The following MACF1 variants were observed in gnomAD, a reference collection of about 807,000 sequenced individuals.
MACF1 encodes the protein microtubule-actin cross-linking factor 1.
MACF1 carries 193 observed loss-of-function variants against 854.8 expected under a neutral mutation model. The observed-to-expected ratio is 0.23, with a 90% CI of 0.20 to 0.25. The LOEUF is 0.25. Ranked by LOEUF, MACF1 falls within the 10% of genes least tolerant of loss-of-function variation. MACF1 has a pLI of 1.00. For missense variants in MACF1, 7,722 were observed against 8,929.1 expected, an observed-to-expected ratio of 0.86 and a Z score of 5.45; for synonymous variants, 3,185 against 3,226.7, an observed-to-expected ratio of 0.99 and a Z score of 0.44.
In MACF1 at chr1:39,155,262, T is replaced by G. The variant is rs1643660183; in HGVS notation, c.220+70824T>G. Among the ~76,000 whole-genome samples the G allele has an allele frequency of 2.0e-5, 3 of 152,344 alleles. No homozygotes were observed. In the South Asian group the frequency reaches 6.2e-4, roughly 32 times the overall value. On this transcript the variant is annotated intron_variant, in intron 2 of 93. Transcript: ENST00000361689. ...TTTAATTTTTATCTGATAAATGTTA[T>G]GAAACAATTTTAATGGTGAAACACA...
intron 58 of MACF1, among the ~76,000 whole-genome samples, chr1:39,417,713 ATTTTTTTTTTTTTTTTTTTTT>A (rs56799242): frequency 1.4e-4 from 8 of 55,832 alleles, no homozygotes; most frequent in South Asian, 1.6e-3. Flanking sequence ...CACCCAGTTA[ATTTTTTTTTTTTTTTTTTTTT>A]TTTTTTTTTT....
intron 46 of MACF1, 65 bp from the exon 47 acceptor site, chr1:39,359,076 C>T (rs574971585): frequency 5.2e-5 from 83 of 1,591,114 alleles, no homozygotes; most frequent in South Asian, 2.7e-4. Context: ...TCAGTAGCTC[C>T]GGATTCCTAG....
intron 6 of MACF1, among the ~76,000 whole-genome samples, chr1:39,264,778 A>G (rs376609846): frequency 2.1e-5 from 3 of 144,578 alleles, no homozygotes; most frequent in South Asian, 4.3e-4. Flanking sequence ...GGTTCACGCC[A>G]TTCTCCTGCC....
In MACF1 at chr1:39,428,048, G is replaced by C; in HGVS notation, c.16564G>C (p.Ala5522Pro). 1 of 1,614,216 alleles carries C rather than the reference G, an allele frequency of 6.2e-7. No homozygotes were observed. The highest frequency in any genetic ancestry group is 8.5e-7 in the Non-Finnish European group (1 of 1,180,036). The change falls in exon 63 of 101, where the codon GCA becomes CCA. Residue 5522 changes from alanine to proline, a missense_variant. Ala to Pro is a conservative substitution (Grantham distance 27). Coordinates refer to ENST00000564288, the MANE Select transcript of MACF1 (RefSeq NM_001394062.1). ...GQSLSSLTSP[A>P]EQGVLSEKID... Reference sequence around the variant, plus strand: ...GTCCCTCTCCTCCCTGACATCTCCTGCAGAACAGGGTGTGCTGTCAGAAAA... The same window carrying C: ...GTCCCTCTCCTCCCTGACATCTCCTCCAGAACAGGGTGTGCTGTCAGAAAA...
chr1:39,252,974 C>A (rs191819590), intron 4 of MACF1, among the ~76,000 whole-genome samples: 2 of 152,172 alleles, frequency 1.3e-5, no homozygotes, highest in Non-Finnish European at 2.9e-5. Context: ...TCTGCAGACA[C>A]CCGCAACAGA....
At chr1:39,269,443 T>G in intron 6 of MACF1, 1 of 1,289,872 alleles carries the variant, frequency 7.8e-7, no homozygotes, top group Non-Finnish European at 1.0e-6. Flanking sequence ...TCATTACTAC[T>G]GGACCAGCCT....
intron 4 of MACF1, 164 bp from the exon 5 acceptor site, chr1:39,254,134 G>A (rs1038911693): frequency 5.9e-5 from 36 of 609,402 alleles, no homozygotes; most frequent in East Asian, 5.6e-4. Flanking sequence ...GTCGAAACAC[G>A]TACAGGCCTG....
rs1025942455 is a variant in MACF1, at chr1:39,318,398, A to G, written c.3783-55A>G. 36 of 1,496,216 alleles carry G rather than the reference A, an allele frequency of 2.4e-5. No homozygotes were observed. In the African/African-American group the frequency reaches 4.0e-4, roughly 17 times the overall value. The allele number at this position is 1,496,216 out of a possible 1,614,324, so 92.7% of individuals were successfully genotyped here. A position where few individuals can be genotyped will look rare whatever the true frequency, so the allele number is the denominator to read the frequency against. On this transcript the variant is annotated intron_variant, in intron 29 of 100. Transcript: ENST00000564288. The stretch of plus-strand genomic sequence containing the variant: ...GGTTAAAGAGGGAATTACCTCATTT[A>G]CTTTATTGTATTTGTACCAAGGTAT...
At chr1:39,228,143 T>C (rs1042709561) in intron 1 of MACF1, among the ~76,000 whole-genome samples, 1 of 152,102 alleles carries the variant, frequency 6.6e-6, no homozygotes, top group Non-Finnish European at 1.5e-5. Flanking sequence ...AAACCCTGTC[T>C]CTACTAAAAA....
At chr1:39,380,490 C>T (rs371426106) in intron 55 of MACF1, 117 bp downstream of exon 55, 6 of 1,050,810 alleles carry the variant, frequency 5.7e-6, no homozygotes, top group Non-Finnish European at 6.7e-6. Flanking sequence ...TATAAATAAG[C>T]AATTAGGATC....
At chr1:39,115,093 T>A (rs1642512425) in intron 2 of MACF1, among the ~76,000 whole-genome samples, 1 of 152,170 alleles carries the variant, frequency 6.6e-6, no homozygotes. Context: ...TGTCATATTG[T>A]ATAGAGCTTG....
intron 95 of MACF1, among the ~76,000 whole-genome samples, chr1:39,465,552 A>C (rs914169484): frequency 6.6e-6 from 1 of 152,250 alleles, no homozygotes; most frequent in Non-Finnish European, 1.5e-5. Context: ...ATTGTATGTT[A>C]TAATTACAAG....
At chr1:39,477,515 A>G (rs1570229802) in intron 97 of MACF1, among the ~76,000 whole-genome samples, 1 of 151,846 alleles carries the variant, frequency 6.6e-6, no homozygotes. Flanking sequence ...GAGACACCAC[A>G]CCCAGCCATT....
intron 38 of MACF1, among the ~76,000 whole-genome samples, chr1:39,340,067 T>A (rs1159547569): frequency 1.3e-5 from 2 of 152,114 alleles, no homozygotes; most frequent in African/African-American, 4.8e-5. Context: ...ACCCTGGAAT[T>A]TAGAGTGGAA....
At chr1:39,381,622 G>A (rs1650228022) in intron 55 of MACF1, among the ~76,000 whole-genome samples, 1 of 152,008 alleles carries the variant, frequency 6.6e-6, no homozygotes, top group African/African-American at 2.4e-5. Flanking sequence ...TCCCACTTGA[G>A]GAGTTCAAGA....
chr1:39,294,069 A>T (rs113285935), intron 18 of MACF1, among the ~76,000 whole-genome samples: 1 of 152,236 alleles, frequency 6.6e-6, no homozygotes, highest in Non-Finnish European at 1.5e-5. Context: ...CAACGGTTGC[A>T]TAAAAGATTA....
intron 1 of MACF1, among the ~76,000 whole-genome samples, chr1:39,220,027 A>G (rs1644629666): frequency 6.6e-6 from 1 of 152,118 alleles, no homozygotes; most frequent in Non-Finnish European, 1.5e-5. Flanking sequence ...CTGGGATGGC[A>G]GGCGTGAGAG....
chr1:39,476,152 G>A (rs1644878011), intron 97 of MACF1, among the ~76,000 whole-genome samples: 2 of 152,184 alleles, frequency 1.3e-5, no homozygotes, highest in African/African-American at 4.8e-5. Flanking sequence ...ATTTTGGAGA[G>A]TGTATGCTAG....
At chr1:39,150,753 T>A (rs1338455127) in intron 2 of MACF1, among the ~76,000 whole-genome samples, 1 of 152,248 alleles carries the variant, frequency 6.6e-6, no homozygotes, top group East Asian at 1.9e-4. Flanking sequence ...TCTGTGGTAC[T>A]TGACACTATG....
Sources: allele counts gnomAD v4.1 joint callset (sites outside exome capture counted in the v4.1 genomes callset), GRCh38; gene constraint gnomAD v4.1.1; transcripts MANE v1.5; gene names NCBI Gene and HGNC (gene_info 2026-07-23, HGNC 2026-07-21).